Variants in SLFN11 observed in about 807,000 individuals in gnomAD.
SLFN11 encodes schlafen family member 11.
A neutral mutation model predicts 53.4 loss-of-function variants in SLFN11; 43 were observed. That is an observed-to-expected ratio of 0.80 (90% confidence interval 0.63 to 1.04). SLFN11 has a LOEUF of 1.04. SLFN11 is among the 50% of genes least tolerant of loss of function. SLFN11 has a pLI of 0.00. For missense variants in SLFN11, 990 were observed against 1,079.1 expected (o/e 0.92, Z 1.16); for synonymous variants, 389 against 394.7 (o/e 0.99, Z 0.17).
chr17:35,354,117 G>T, intron 5 of SLFN11, 58 bp from the exon 6 acceptor site: 2 of 1,426,500 alleles, frequency 1.4e-6, no homozygotes, highest in Non-Finnish European at 9.3e-7. Flanking sequence ...TGATTAAGAT[G>T]ACTAATTATA....
rs749780647 is a variant in SLFN11, at chr17:35,352,969, A to G, written c.2093T>C (p.Leu698Pro). The G allele has an allele frequency of 1.2e-6, 2 of 1,614,232 alleles. No homozygotes were observed. Among genetic ancestry groups the G allele is most frequent in the Non-Finnish European group, 1.7e-6 (2 of 1,180,046 alleles). Reference protein sequence around the residue: ...TRRAKGGPGILWIFLDYFQTS... With the variant: ...TRRAKGGPGIPWIFLDYFQTS... ...CTGAAAGTAATCCAGAAAGATCCAG[A>G]GAATTCCTGGGCCACCCTTTGCTCT... is the stretch of plus-strand genomic sequence containing the variant. Residue 698 changes from leucine (L) to proline (P), a missense_variant, in exon 7 of 7, where the codon CTC becomes CCC. Leu to Pro is a moderately conservative substitution (Grantham distance 98). Transcript: ENST00000685675.
In SLFN11 at chr17:35,362,837, A is replaced by G. The variant is rs1908406976; in HGVS notation, c.971T>C (p.Val324Ala). 6 of 1,613,666 alleles carry G rather than the reference A, an allele frequency of 3.7e-6. No individual in the cohort carries two copies. The highest frequency in any genetic ancestry group is 2.2e-5 in the South Asian group (2 of 91,060). Residue 324 changes from valine to alanine, a missense_variant, in exon 4 of 7, where the codon GTG (valine) becomes GCG (alanine). Coordinates refer to ENST00000685675, the MANE Select transcript of SLFN11 (RefSeq NM_001376007.1). ...CCATGAATTGGGAGCTTCTGAGAAC[A>G]CTGCACAGCAGAAGGGATTTACTCT... ...MIRVNPFCCA[V>A]FSEAPNSWIV... is the part of the protein sequence containing the mutation.
chr17:35,362,731 C>T lies in SLFN11; in HGVS notation c.1069+8G>A. On this transcript the variant is annotated splice_region_variant and intron_variant, in intron 4 of 6. Coordinates refer to ENST00000685675, the MANE Select transcript of SLFN11 (RefSeq NM_001376007.1). The stretch of plus-strand genomic sequence containing the variant: ...AGGACAGGGAGGGAGGAGCTTTCTC[C>T]CTCTTACCTGGATCTGTGTCTGTCA... 1.3e-6 allele frequency: 2 copies of T among 1,530,340 alleles called. No homozygotes were observed. The highest frequency in any genetic ancestry group is 1.3e-5 in the South Asian group (1 of 77,594). The allele number at this position is 1,530,340 out of a possible 1,614,324, so 94.8% of individuals were successfully genotyped here.
chr17:35,363,408 G>T lies in SLFN11; in HGVS notation c.400C>A (p.Arg134Ser). 1.9e-6 allele frequency: 3 copies of T among 1,613,852 alleles called. No homozygotes were observed. The highest frequency in any genetic ancestry group is 2.5e-6 in the Non-Finnish European group (3 of 1,179,974). ...RLCSLSSSLYRRSETSVRSMD... is the reference protein window; with the variant it reads ...RLCSLSSSLYSRSETSVRSMD... ...GAACGCACAGAGGTCTCAGATCTAC[G>T]GTATAATGAAGAACTGAGGCTGCAA... Residue 134 changes from arginine to serine, a missense_variant, in exon 4 of 7, where the codon CGT becomes AGT. Arg to Ser is a moderately radical substitution (Grantham distance 110). Around this residue, in one of 3 missense-constraint regions of SLFN11, gnomAD observed 521 missense variants for 516.2 expected, o/e 1.01. Transcript: ENST00000685675.
At position 35,363,788 on chromosome 17, in the gene SLFN11, G is replaced by C. The variant is rs1389165128; in HGVS notation, c.20C>G (p.Pro7Arg). 1.3e-6 allele frequency: 2 copies of C among 1,581,636 alleles called. No individual in the cohort carries two copies. The highest frequency in any genetic ancestry group is 2.7e-5 in the African/African-American group (2 of 73,308). Residue 7 changes from proline (P) to arginine (R), a missense_variant, in exon 4 of 7, where the codon CCC becomes CGC. Coordinates refer to ENST00000685675, the MANE Select transcript of SLFN11 (RefSeq NM_001376007.1). ...TGGGTAAGATGGTTCCACAACCAGG[G>C]GGCACTGATTTGCCTCCATGTTGAA... Reference protein sequence around the residue: MEANQCPLVVEPSYPDL... With the variant: MEANQCRLVVEPSYPDL...
intron 1 of SLFN11, among the ~76,000 whole-genome samples, chr17:35,371,902 A>G (rs761265650): frequency 1.3e-5 from 2 of 152,112 alleles, no homozygotes; most frequent in Admixed American, 6.5e-5. Context: ...TATTATGGAG[A>G]ACAGTTTGGA....
intron 5 of SLFN11, among the ~76,000 whole-genome samples, chr17:35,357,167 TGTGTG>T (rs768542151): frequency 6.6e-6 from 1 of 151,468 alleles, no homozygotes. Context: ...TGTGTGTGTG[TGTGTG>T]TGTGTCTGTG....
Position 35,352,962 on chromosome 17 carries a change from G to A in SLFN11, c.2100C>T (p.Ile700=), listed in dbSNP as rs904511482. 1 of 1,614,092 alleles carries A rather than the reference G, an allele frequency of 6.2e-7. No homozygotes were observed. Among genetic ancestry groups the A allele is most frequent in the African/African-American group, 1.3e-5 (1 of 74,928 alleles). ...RAKGGPGILW[I]FLDYFQTSHL... ...GGCTGGTCTGAAAGTAATCCAGAAAGATCCAGAGAATTCCTGGGCCACCCT... is the reference window on the plus strand; with the variant it reads ...GGCTGGTCTGAAAGTAATCCAGAAAAATCCAGAGAATTCCTGGGCCACCCT... The change falls in exon 7 of 7, where the codon ATC becomes ATT. Residue 700 remains isoleucine, a synonymous_variant. Transcript: ENST00000685675.
chr17:35,359,303 G>A (rs1227981213), intron 5 of SLFN11, among the ~76,000 whole-genome samples: 1 of 152,014 alleles, frequency 6.6e-6, no homozygotes, highest in Admixed American at 6.6e-5. Flanking sequence ...ATTGTTTATT[G>A]TGGACAGTTT....
intron 3 of SLFN11, among the ~76,000 whole-genome samples, chr17:35,364,497 T>A (rs980027808): frequency 6.6e-6 from 1 of 152,052 alleles, no homozygotes; most frequent in African/African-American, 2.4e-5. Flanking sequence ...AAAAGTGTTA[T>A]TAGGTTTAGT....
intron 2 of SLFN11, 83 bp downstream of exon 2, chr17:35,367,520 A>G (rs554079920): frequency 6.6e-5 from 10 of 152,284 alleles, no homozygotes; most frequent in African/African-American, 2.4e-4. Context: ...AGAATTCAGA[A>G]AAGAAACTCA....
intron 4 of SLFN11, among the ~76,000 whole-genome samples, chr17:35,362,076 T>C (rs1369435030): frequency 6.6e-6 from 1 of 152,120 alleles, no homozygotes; most frequent in East Asian, 1.9e-4. Flanking sequence ...ATGCTGGTGA[T>C]GGTTTAATAA....
At chr17:35,363,884 T>A (rs1171312838) in intron 3 of SLFN11, 58 bp from the exon 4 acceptor site, 18 of 1,354,754 alleles carry the variant, frequency 1.3e-5, no homozygotes, top group Non-Finnish European at 1.8e-5. Flanking sequence ...AGGGTATTTA[T>A]TTTGTGTCTA....
intron 5 of SLFN11, among the ~76,000 whole-genome samples, chr17:35,355,407 A>T (rs9914622): frequency 6.6e-6 from 1 of 152,078 alleles, no homozygotes; most frequent in African/African-American, 2.4e-5. Context: ...CTCAAAAAAT[A>T]AAAAATAAAA....
rs1418447536 is a variant in SLFN11 at position 35,372,749 on chromosome 17, TA to T, written c.-235+724del. On this transcript the variant is annotated intron_variant, in intron 1 of 6. Coordinates refer to ENST00000685675, the MANE Select transcript of SLFN11 (RefSeq NM_001376007.1). ...GTCTTAAAATATCTCATGTAACCCA[TA>T]AACATATACATCTACTATGTACCCA... Among the ~76,000 whole-genome samples, 13 of 151,988 alleles carry T rather than the reference TA, an allele frequency of 8.6e-5. No homozygotes were observed. In the East Asian group the frequency reaches 2.1e-3, roughly 25 times the overall value.
chr17:35,358,108 C>T (rs1359493655), intron 5 of SLFN11, among the ~76,000 whole-genome samples: 2 of 150,592 alleles, frequency 1.3e-5, no homozygotes, highest in African/African-American at 4.9e-5. Context: ...ATGTAACATT[C>T]CCTGATTCAC....
Position 35,351,118 on chromosome 17 carries a change from G to C in SLFN11, c.*1238C>G, listed in dbSNP as rs1475159489. 6.6e-6 allele frequency: 1 copy of C among 152,354 alleles called. No individual in the cohort carries two copies. Among genetic ancestry groups the C allele is most frequent in the East Asian group, 1.9e-4 (1 of 5,182 alleles). 9.4% of individuals were successfully genotyped at this position (152,354 alleles called of 1,614,324 possible). ...GCTGGAAGTCCAAGACAGAGTCCAA[G>C]ACTCTCGCCAGCAGCGAGAGTTTGA... On this transcript the variant is annotated 3_prime_UTR_variant, in exon 7 of 7. Coordinates refer to ENST00000685675, the MANE Select transcript of SLFN11 (RefSeq NM_001376007.1).
At chr17:35,365,760 T>C (rs1567826406) in intron 3 of SLFN11, among the ~76,000 whole-genome samples, 2 of 152,092 alleles carry the variant, frequency 1.3e-5, no homozygotes, top group African/African-American at 2.4e-5. Flanking sequence ...CAAAGCATGA[T>C]GATAAATTTA....
chr17:35,358,496 C>T (rs1907802988), intron 5 of SLFN11, among the ~76,000 whole-genome samples: 1 of 150,942 alleles, frequency 6.6e-6, no homozygotes, highest in African/African-American at 2.4e-5. Context: ...TAATAGAATG[C>T]CTGTAATCTC....
Sources: gnomAD v4.1 joint callset for allele counts (sites outside exome capture counted in the v4.1 genomes callset) on GRCh38, gnomAD v4.1.1 for gene constraint, gnomAD v4.1.1 regional missense constraint, MANE v1.5 for transcripts, NCBI Gene and HGNC (gene_info 2026-07-23, HGNC 2026-07-21) for gene names.